Variants in SH2B3 observed in about 807,000 individuals in gnomAD.
The protein encoded by SH2B3 is SH2B adaptor protein 3.
SH2B3 carries 43 observed loss-of-function variants against 51.9 expected under a neutral mutation model. That is an observed-to-expected ratio of 0.83 (90% CI 0.65 to 1.07). The LOEUF is 1.07. Ranked by LOEUF, SH2B3 falls within the 50% of genes least tolerant of loss-of-function variation. The probability of loss-of-function intolerance (pLI) is 0.00; values close to 1 mark genes in which losing one functional copy is unlikely to be tolerated. For synonymous variants in SH2B3, 396 were observed against 376.0 expected, an observed-to-expected ratio of 1.05 and a Z score of -0.62; for missense variants, 952 against 834.3, an observed-to-expected ratio of 1.14 and a Z score of -1.74.
At chr12:111,439,717 G>A (rs554720744) in intron 2 of SH2B3, among the ~76,000 whole-genome samples, 1 of 152,334 alleles carries the variant, frequency 6.6e-6, no homozygotes, top group African/African-American at 2.4e-5. Context: ...GCAGAGGAGG[G>A]TAGGCTGGAG....
At chr12:111,419,850 C>G (rs1004199314) in intron 2 of SH2B3, among the ~76,000 whole-genome samples, 1 of 152,208 alleles carries the variant, frequency 6.6e-6, no homozygotes, top group Non-Finnish European at 1.5e-5. Flanking sequence ...TCTGTTCCAG[C>G]TCGCCCCCCA....
intron 2 of SH2B3, among the ~76,000 whole-genome samples, chr12:111,441,806 G>C (rs1472143116): frequency 6.6e-6 from 1 of 152,182 alleles, no homozygotes; most frequent in Non-Finnish European, 1.5e-5. Flanking sequence ...AGAATCCTTT[G>C]CATTGGCTGC....
At chr12:111,419,963 C>G (rs1871403493) in intron 2 of SH2B3, among the ~76,000 whole-genome samples, 1 of 152,184 alleles carries the variant, frequency 6.6e-6, no homozygotes, top group Non-Finnish European at 1.5e-5. Context: ...TTGAGGAGTA[C>G]CAGTCAAGGA....
intron 2 of SH2B3, among the ~76,000 whole-genome samples, chr12:111,422,066 G>A (rs956953051): frequency 2.0e-5 from 3 of 152,164 alleles, no homozygotes; most frequent in African/African-American, 2.4e-5. Context: ...GCACTTGGTG[G>A]GTTTTTTTGT....
intron 2 of SH2B3, 113 bp from the exon 3 acceptor site, chr12:111,446,640 A>G (rs2135613686): frequency 4.7e-6 from 3 of 631,878 alleles, no homozygotes; most frequent in East Asian, 5.7e-5. Flanking sequence ...CAGCAACACC[A>G]TGGATACTCT....
chr12:111,417,703 T>C (rs886662973), intron 1 of SH2B3, among the ~76,000 whole-genome samples: 1 of 152,084 alleles, frequency 6.6e-6, no homozygotes, highest in Non-Finnish European at 1.5e-5. Flanking sequence ...GTGATCCTCC[T>C]GCCTCAGCCT....
intron 2 of SH2B3, among the ~76,000 whole-genome samples, chr12:111,428,532 G>A (rs1872190532): frequency 6.6e-6 from 1 of 152,226 alleles, no homozygotes; most frequent in South Asian, 2.1e-4. Flanking sequence ...TAGGGCAGGT[G>A]AGGGGCAGCC....
intron 2 of SH2B3, among the ~76,000 whole-genome samples, chr12:111,433,495 T>G (rs1872641727): frequency 6.6e-6 from 1 of 152,228 alleles, no homozygotes; most frequent in African/African-American, 2.4e-5. Flanking sequence ...TTGTCTGTCT[T>G]CTTGATTGTA....
chr12:111,438,066 G>C lies in SH2B3; in HGVS notation c.733-8687G>C, dbSNP rs1478732930. 6.6e-6 allele frequency among the ~76,000 whole-genome samples: 1 copy of C among 152,226 alleles called. No individual in the cohort carries two copies. Among genetic ancestry groups the C allele is most frequent in the African/African-American group, 2.4e-5 (1 of 41,442 alleles). On this transcript the variant is annotated intron_variant, in intron 2 of 7. Coordinates refer to ENST00000341259, the MANE Select transcript of SH2B3 (RefSeq NM_005475.3). This position sits in a 1 kb window ranked among gnomAD's most constrained non-coding sequence, Gnocchi z 4.2. ...GAGGCACAGGAATTGCACTAATCAT[G>C]ACTCAGTGGTCAGAGAAGGCTCCCT...
At chr12:111,437,425 G>C (rs1028748011) in intron 2 of SH2B3, among the ~76,000 whole-genome samples, 2 of 152,176 alleles carry the variant, frequency 1.3e-5, no homozygotes, top group Admixed American at 1.3e-4. Flanking sequence ...ACCAAGGGGG[G>C]ATCTGGCCCA....
Position 111,409,781 on chromosome 12 carries a change from G to A in SH2B3, c.-28+3504G>A, listed in dbSNP as rs968722099. On this transcript the variant is annotated intron_variant, in intron 1 of 7. Transcript: ENST00000341259. The surrounding 1 kb of genome is among the most constrained non-coding windows in gnomAD (Gnocchi z 4.0). ...CTCAATGGGGCCCTGCTGCCGGGGTGACAAGCATCCCTCTACCAGGGCTCC... is the reference window on the plus strand; with the variant it reads ...CTCAATGGGGCCCTGCTGCCGGGGTAACAAGCATCCCTCTACCAGGGCTCC... 1.3e-5 allele frequency among the ~76,000 whole-genome samples: 2 copies of A among 152,182 alleles called. No individual in the cohort carries two copies. The highest frequency in any genetic ancestry group is 2.9e-5 in the Non-Finnish European group (2 of 68,022).
intron 2 of SH2B3, among the ~76,000 whole-genome samples, chr12:111,442,222 C>T (rs1054664339): frequency 2.0e-5 from 3 of 152,164 alleles, no homozygotes; most frequent in African/African-American, 4.8e-5. Context: ...TTTCAGACCC[C>T]CTCCCTCTCC....
intron 2 of SH2B3, among the ~76,000 whole-genome samples, chr12:111,430,454 C>T (rs781356906): frequency 1.3e-5 from 2 of 152,174 alleles, no homozygotes; most frequent in African/African-American, 4.8e-5. Flanking sequence ...ATCCCCACCC[C>T]GTCCTGCTTA....
intron 2 of SH2B3, among the ~76,000 whole-genome samples, chr12:111,424,619 G>T (rs892394586): frequency 6.6e-6 from 1 of 152,106 alleles, no homozygotes; most frequent in African/African-American, 2.4e-5. Flanking sequence ...GGTGGTTGCT[G>T]CGGGGCCTGG....
At chr12:111,434,929 T>G in intron 2 of SH2B3, 1 of 1,535,562 alleles carries the variant, frequency 6.5e-7, no homozygotes, top group Non-Finnish European at 8.7e-7. Context: ...GTGCCGTGGC[T>G]GGAGGAGGAC....
intron 2 of SH2B3, among the ~76,000 whole-genome samples, chr12:111,424,174 C>T (rs886204824): frequency 5.3e-5 from 8 of 152,130 alleles, no homozygotes; most frequent in Non-Finnish European, 1.2e-4. Context: ...TGTTGGGAGC[C>T]AGCTGGCCCT....
chr12:111,427,841 G>C lies in SH2B3; in HGVS notation c.732+8964G>C, dbSNP rs1406316515. On this transcript the variant is annotated intron_variant, in intron 2 of 7. Transcript: ENST00000341259. ...TTCCTTATACAGCAGGCACTTTACT[G>C]ACCTGGCTTCATTTTATCTTCACAG... Among the ~76,000 whole-genome samples, 3 of 152,342 alleles carry C rather than the reference G, an allele frequency of 2.0e-5. No individual in the cohort carries two copies. In the South Asian group the frequency reaches 6.2e-4, roughly 32 times the overall value.
In SH2B3 at chr12:111,448,359, G is replaced by A. The variant is rs568409579; in HGVS notation, c.*57G>A. On this transcript the variant is annotated 3_prime_UTR_variant, in exon 8 of 8. Transcript: ENST00000341259. ...CCTTGAGGAGCACAGGCAGAAGTGT[G>A]AACTTGTGAATGTAATTGATCTTTC... is the stretch of plus-strand genomic sequence containing the variant. 1.6e-6 allele frequency: 2 copies of A among 1,218,416 alleles called. No homozygotes were observed. The highest frequency in any genetic ancestry group is 2.5e-5 in the East Asian group (1 of 40,788). 75.5% of individuals were successfully genotyped at this position (1,218,416 alleles called of 1,614,324 possible). A position where few individuals can be genotyped will look rare whatever the true frequency, so the allele number is the denominator to read the frequency against.
Position 111,448,185 on chromosome 12 carries a change from C to T in SH2B3, c.1611C>T (p.Asn537=), listed in dbSNP as rs1416210676. 1 of 1,614,036 alleles carries T rather than the reference C, an allele frequency of 6.2e-7. No individual in the cohort carries two copies. The highest frequency in any genetic ancestry group is 1.3e-5 in the African/African-American group (1 of 74,920). ...TGCCTTCGCCCGAAGAACTGGCCAA[C>T]AGCCTGCAGCACCTGGAGCATGAGC... ...HLVPSPEELA[N]SLQHLEHEPV... is the part of the protein sequence containing the mutation. Residue 537 remains asparagine (N), a synonymous_variant, in exon 8 of 8, where the codon AAC becomes AAT. Transcript: ENST00000341259.
Sources: allele counts gnomAD v4.1 joint callset (sites outside exome capture counted in the v4.1 genomes callset), GRCh38; gene constraint gnomAD v4.1.1; non-coding constraint Gnocchi (gnomAD v3.1); transcripts MANE v1.5; gene names NCBI Gene and HGNC (gene_info 2026-07-23, HGNC 2026-07-21).